SYTL2: variants seen among roughly 807,000 people sequenced by gnomAD.
The protein encoded by SYTL2 is synaptotagmin-like protein 2.
In SYTL2, 165 loss-of-function variants were observed where a neutral mutation model predicts 198.7. The observed-to-expected ratio is 0.83, with a 90% CI of 0.73 to 0.94. The LOEUF is 0.94. Ranked by LOEUF, SYTL2 falls within the 40% of genes least tolerant of loss-of-function variation. The probability of loss-of-function intolerance (pLI) is 0.00; values close to 1 mark genes in which losing one functional copy is unlikely to be tolerated. For missense variants in SYTL2, 2,835 were observed against 2,582.8 expected, an observed-to-expected ratio of 1.10 and a Z score of -2.12; for synonymous variants, 966 against 917.7, an observed-to-expected ratio of 1.05 and a Z score of -0.95.
chr11:85,837,198 A>G, the SYTL2 span, among the ~76,000 whole-genome samples: 1 of 152,226 alleles, frequency 6.6e-6, no homozygotes, highest in East Asian at 1.9e-4. Flanking sequence ...TCCCAAATTC[A>G]TATGTTGAAG....
At chr11:85,833,016 AAAGAAAGAAAG>A in the SYTL2 span, among the ~76,000 whole-genome samples, 221 of 21,132 alleles carry the variant, frequency 0.01, 26 homozygotes, top group African/African-American at 0.014. Flanking sequence ...GAAAGAAAAG[AAAGAAAGAAAG>A]AAAGAAAGAA....
chr11:85,838,643 C>A, the SYTL2 span, among the ~76,000 whole-genome samples: 2 of 152,024 alleles, frequency 1.3e-5, no homozygotes, highest in Non-Finnish European at 2.9e-5. Context: ...TTTAAATAAC[C>A]AGATCTCAAG....
At chr11:85,773,401 G>A (rs2092395247) in intron 1 of SYTL2, among the ~76,000 whole-genome samples, 1 of 152,182 alleles carries the variant, frequency 6.6e-6, no homozygotes, top group Non-Finnish European at 1.5e-5. Flanking sequence ...TGCCTGCAAG[G>A]TCTTTCTCCA....
the SYTL2 span, among the ~76,000 whole-genome samples, chr11:85,825,371 G>C: frequency 3.1e-5 from 4 of 129,144 alleles, no homozygotes; most frequent in African/African-American, 1.2e-4. Context: ...CTGGGCGACA[G>C]AGCGAGACTC....
chr11:85,834,265 T>C, the SYTL2 span, among the ~76,000 whole-genome samples: 1 of 152,194 alleles, frequency 6.6e-6, no homozygotes, highest in Non-Finnish European at 1.5e-5. Context: ...GCTAGATAAA[T>C]AATATTAATC....
At chr11:85,711,391 G>C (rs187540313) in intron 12 of SYTL2, among the ~76,000 whole-genome samples, 159 bp from the exon 13 acceptor site, 2 of 152,196 alleles carry the variant, frequency 1.3e-5, no homozygotes, top group African/African-American at 4.8e-5. Flanking sequence ...TCAGGATGGA[G>C]TGGGTGGTCT....
At chr11:85,707,978 A>AAAAAC (rs1591611680) in intron 14 of SYTL2, 5 of 142,422 alleles carry the variant, frequency 3.5e-5, no homozygotes, top group East Asian at 2.5e-4. Flanking sequence ...AAAAAAAACC[A>AAAAAC]CACACACACA....
rs559339564 is a variant in SYTL2 at position 85,730,035 on chromosome 11, T to C, written c.1391-2068A>G. Reference sequence around the variant, plus strand: ...CTGGACACACACACCCTCCCAAGACTAAACCAGGAAGACGTTGAATCCCTG... The same window carrying C: ...CTGGACACACACACCCTCCCAAGACCAAACCAGGAAGACGTTGAATCCCTG... On this transcript the variant is annotated intron_variant, in intron 7 of 19. Transcript: ENST00000359152. Among the ~76,000 whole-genome samples the C allele has an allele frequency of 2.0e-5, 3 of 152,260 alleles. No individual in the cohort carries two copies. In the East Asian group the frequency reaches 5.8e-4, roughly 29 times the overall value.
chr11:85,709,401 C>A lies in SYTL2; in HGVS notation c.5845G>T (p.Glu1949Ter). Residue 1949 changes from glutamate (E) to a stop codon, truncating the protein, a stop_gained, in exon 14 of 20, where the codon GAG becomes TAG. Coordinates refer to ENST00000359152, the MANE Select transcript of SYTL2 (RefSeq NM_206927.4). LOFTEE classifies it high-confidence loss of function. ...CACTGGGCCACAAAAACATGCAACT[C>A]CTTCAGTGACTCCACATATTCAATT... ...FAIEYVESLK[E>*]LHVFVAQCKD... The A allele has an allele frequency of 1.2e-6, 2 of 1,614,148 alleles. No homozygotes were observed. The highest frequency in any genetic ancestry group is 2.2e-5 in the South Asian group (2 of 91,082).
intron 1 of SYTL2, among the ~76,000 whole-genome samples, chr11:85,786,783 CTTATA>C (rs2092642552): frequency 6.6e-6 from 1 of 152,058 alleles, no homozygotes; most frequent in Admixed American, 6.6e-5. Flanking sequence ...AAATTTTGCT[CTTATA>C]TTAAAAACAA....
intron 15 of SYTL2, 130 bp downstream of exon 15, chr11:85,707,299 T>G: frequency 1.6e-6 from 1 of 633,776 alleles, no homozygotes; most frequent in Non-Finnish European, 2.8e-6. Context: ...CAAAACAGTC[T>G]CAGAACATTT....
intron 9 of SYTL2, 124 bp from the exon 10 acceptor site, chr11:85,718,967 C>T (rs2087825145): frequency 3.2e-6 from 5 of 1,539,806 alleles, no homozygotes; most frequent in Non-Finnish European, 4.4e-6. Context: ...AGGGGTGCAA[C>T]CAAGATGTCT....
chr11:85,841,860 A>G, the SYTL2 span, among the ~76,000 whole-genome samples: 1 of 152,254 alleles, frequency 6.6e-6, no homozygotes, highest in Non-Finnish European at 1.5e-5. Flanking sequence ...ATTTATGTGA[A>G]TTCAGATGTC....
intron 1 of SYTL2, among the ~76,000 whole-genome samples, chr11:85,779,356 C>T (rs2092517278): frequency 6.6e-6 from 1 of 152,146 alleles, no homozygotes; most frequent in Admixed American, 6.5e-5. Flanking sequence ...TATGAAGAGC[C>T]ACCAGTCTGG....
rs754212780 is a variant in SYTL2 at position 85,724,387 on chromosome 11, A to T, written c.4971T>A (p.Ser1657Arg). The stretch of plus-strand genomic sequence containing the variant: ...GTGGGGTTCTAGGGATCTCAACTCC[A>T]CTTCTGGAACCACAAAAATCTACCA... ...DLLVDFCGSR[S>R]GVEIPRTPQL... Residue 1657 changes from serine (S) to arginine (R), a missense_variant, in exon 8 of 20, where the codon AGT becomes AGA. Ser to Arg is a moderately radical substitution (Grantham distance 110). This residue lies in a region of SYTL2 where 2,645 missense variants were observed against 2,381.7 expected (regional missense o/e 1.11). Transcript: ENST00000359152. The T allele has an allele frequency of 3.8e-6, 6 of 1,593,430 alleles. No individual in the cohort carries two copies. The East Asian group carries it at 1.3e-4, about 36-fold the overall frequency.
chr11:85,739,594 C>T (rs1315199170), intron 4 of SYTL2, among the ~76,000 whole-genome samples: 3 of 152,240 alleles, frequency 2.0e-5, no homozygotes, highest in Admixed American at 2.0e-4. Flanking sequence ...TCAAGGGATA[C>T]TATAATGTTT....
rs185893008 is a variant in SYTL2 at position 85,770,154 on chromosome 11, G to A, written c.-389-12040C>T. Among the ~76,000 whole-genome samples the A allele has an allele frequency of 4.4e-3, 665 of 152,246 alleles. 3 individuals are homozygous for A. Among genetic ancestry groups the A allele is most frequent in the Non-Finnish European group, 4.9e-3 (336 of 68,024 alleles). Reference sequence around the variant, plus strand: ...AAGTCAAGTTATTGCTGTTGGATTCGTATTGCATCTGCTATACAAATCCCT... The same window carrying A: ...AAGTCAAGTTATTGCTGTTGGATTCATATTGCATCTGCTATACAAATCCCT... On this transcript the variant is annotated intron_variant, in intron 1 of 19. Coordinates refer to ENST00000359152, the MANE Select transcript of SYTL2 (RefSeq NM_206927.4).
In SYTL2 at chr11:85,704,964, G is replaced by C; in HGVS notation, c.6083C>G (p.Thr2028Arg). 1 of 1,613,580 alleles carries C rather than the reference G, an allele frequency of 6.2e-7. No homozygotes were observed. The highest frequency in any genetic ancestry group is 1.3e-5 in the African/African-American group (1 of 75,028). ...KLNLSIWHRD[T>R]FKRNSFLGEV... ...CCCTAGGAAACTATTGCGCTTAAATGTATCCCGATGCCAAATGGACAGGTT... is the reference window on the plus strand; with the variant it reads ...CCCTAGGAAACTATTGCGCTTAAATCTATCCCGATGCCAAATGGACAGGTT... Residue 2028 changes from threonine (T) to arginine (R), a missense_variant, in exon 16 of 20, where the codon ACA becomes AGA. This residue lies in a region of SYTL2 where 2,645 missense variants were observed against 2,381.7 expected (regional missense o/e 1.11). Coordinates refer to ENST00000359152, the MANE Select transcript of SYTL2 (RefSeq NM_206927.4).
At chr11:85,719,998 T>C (rs2088042569) in intron 9 of SYTL2, among the ~76,000 whole-genome samples, 1 of 152,168 alleles carries the variant, frequency 6.6e-6, no homozygotes, top group South Asian at 2.1e-4. Flanking sequence ...CATTTTAGCT[T>C]GAAAATAGCA....
Sources: gnomAD v4.1 joint callset for allele counts (sites outside exome capture counted in the v4.1 genomes callset) on GRCh38, gnomAD v4.1.1 for gene constraint, gnomAD v4.1.1 regional missense constraint, MANE v1.5 for transcripts, NCBI Gene and HGNC (gene_info 2026-07-23, HGNC 2026-07-21) for gene names.